Variants in ZNF407 observed in about 807,000 individuals in gnomAD.
The protein encoded by ZNF407 is zinc finger protein 407.
ZNF407 carries 17 observed loss-of-function variants against 131.2 expected under a neutral mutation model. That is an observed-to-expected ratio of 0.13 (90% CI 0.09 to 0.19). The LOEUF is 0.19. ZNF407 is among the 10% of genes least tolerant of loss of function. The probability of loss-of-function intolerance (pLI) is 1.00; values close to 1 mark genes in which losing one functional copy is unlikely to be tolerated. For missense variants in ZNF407, 2,681 were observed against 2,830.6 expected (o/e 0.95, Z 1.20); for synonymous variants, 1,156 against 1,062.0 (o/e 1.09, Z -1.72).
intron 4 of ZNF407, among the ~76,000 whole-genome samples, chr18:74,790,722 G>T (rs144171631): frequency 2.6e-5 from 4 of 152,182 alleles, no homozygotes; most frequent in Non-Finnish European, 5.9e-5. Context: ...CTTGGATACA[G>T]TTTCATTATA....
chr18:74,804,442 C>G, intron 4 of ZNF407: 1 of 992,490 alleles, frequency 1.0e-6, no homozygotes, highest in Non-Finnish European at 1.2e-6. Flanking sequence ...CACATGACTT[C>G]AGAGAAGTCT....
chr18:74,909,368 A>G (rs1971638485), intron 7 of ZNF407, among the ~76,000 whole-genome samples: 1 of 152,132 alleles, frequency 6.6e-6, no homozygotes, highest in African/African-American at 2.4e-5. Flanking sequence ...TTACCTGAAC[A>G]TACTTAATGT....
At chr18:74,785,677 AC>A (rs962305725) in intron 4 of ZNF407, among the ~76,000 whole-genome samples, 2 of 152,142 alleles carry the variant, frequency 1.3e-5, no homozygotes, top group African/African-American at 4.8e-5. Context: ...CAGGAGCGTC[AC>A]CTTTTTTTTA....
chr18:75,004,404 T>C (rs1972883061), intron 8 of ZNF407, among the ~76,000 whole-genome samples: 1 of 152,188 alleles, frequency 6.6e-6, no homozygotes, highest in Non-Finnish European at 1.5e-5. Context: ...TGATTCTCAG[T>C]GAGCAGGTGA....
intron 3 of ZNF407, among the ~76,000 whole-genome samples, chr18:74,734,207 T>C (rs565678796): frequency 2.0e-5 from 3 of 152,292 alleles, no homozygotes; most frequent in East Asian, 1.9e-4. Flanking sequence ...ACGCCACTCA[T>C]TGAGACTTGG....
Position 74,935,159 on chromosome 18 carries a change from A to C in ZNF407, c.5428+14467A>C, listed in dbSNP as rs528247491. ...TTAAAGAATCCATTAGTACAAAATGACAGACATGAAAATGCTCAGATAGTT... is the reference window on the plus strand; with the variant it reads ...TTAAAGAATCCATTAGTACAAAATGCCAGACATGAAAATGCTCAGATAGTT... On this transcript the variant is annotated intron_variant, in intron 8 of 8. Transcript: ENST00000299687. Among the ~76,000 whole-genome samples the C allele has an allele frequency of 1.9e-3, 297 of 152,372 alleles. 1 individual carries two copies. Among genetic ancestry groups the C allele is most frequent in the Non-Finnish European group, 3.4e-3 (230 of 68,036 alleles).
intron 8 of ZNF407, among the ~76,000 whole-genome samples, chr18:75,015,189 G>A (rs561306323): frequency 1.1e-3 from 173 of 152,114 alleles, no homozygotes; most frequent in African/African-American, 3.9e-3. Context: ...TTTTAAAGTA[G>A]AAATATAAGG....
At chr18:74,629,743 T>C (rs1983963433) in intron 1 of ZNF407, among the ~76,000 whole-genome samples, 1 of 152,210 alleles carries the variant, frequency 6.6e-6, no homozygotes, top group Non-Finnish European at 1.5e-5. Context: ...CTATAATACG[T>C]TGATGCCTTT....
intron 3 of ZNF407, among the ~76,000 whole-genome samples, chr18:74,704,227 C>T (rs1365291741): frequency 2.0e-5 from 3 of 152,168 alleles, no homozygotes; most frequent in South Asian, 2.1e-4. Flanking sequence ...GCCATCGCTG[C>T]GCTTCGTGGG....
At chr18:74,829,717 C>A (rs1970456110) in intron 4 of ZNF407, among the ~76,000 whole-genome samples, 2 of 151,568 alleles carry the variant, frequency 1.3e-5, no homozygotes, top group Admixed American at 1.3e-4. Flanking sequence ...TTTTTGTTTG[C>A]TTTTTTTATA....
At chr18:74,790,735 G>A (rs2145049221) in intron 4 of ZNF407, among the ~76,000 whole-genome samples, 1 of 152,234 alleles carries the variant, frequency 6.6e-6, no homozygotes, top group Non-Finnish European at 1.5e-5. Context: ...TCATTATACA[G>A]TACTGACTTT....
intron 4 of ZNF407, among the ~76,000 whole-genome samples, chr18:74,793,269 G>T (rs943328014): frequency 6.6e-6 from 1 of 152,194 alleles, no homozygotes; most frequent in Non-Finnish European, 1.5e-5. Context: ...TATAATCATT[G>T]TTAGCTAGAA....
At chr18:74,700,149 A>T (rs1000902679) in intron 3 of ZNF407, among the ~76,000 whole-genome samples, 4 of 152,322 alleles carry the variant, frequency 2.6e-5, no homozygotes, top group African/African-American at 9.6e-5. Context: ...ATTTTGTTCT[A>T]CTTTGTGAGG....
chr18:74,971,344 T>C (rs2145303613), intron 8 of ZNF407, among the ~76,000 whole-genome samples: 1 of 152,368 alleles, frequency 6.6e-6, no homozygotes, highest in East Asian at 1.9e-4. Flanking sequence ...TTCTTTTCTA[T>C]CATGTAGTCA....
chr18:74,807,562 T>A (rs1970130080), intron 4 of ZNF407, among the ~76,000 whole-genome samples: 2 of 152,206 alleles, frequency 1.3e-5, no homozygotes, highest in South Asian at 4.1e-4. Flanking sequence ...TCATCCTAAG[T>A]ACAGAAGTTG....
At chr18:74,679,471 A>G (rs1191798587) in intron 3 of ZNF407, among the ~76,000 whole-genome samples, 1 of 152,224 alleles carries the variant, frequency 6.6e-6, no homozygotes, top group African/African-American at 2.4e-5. Context: ...AGTTGCTGGC[A>G]TGTAGTGGGC....
intron 3 of ZNF407, among the ~76,000 whole-genome samples, chr18:74,736,593 G>C (rs1021963980): frequency 6.6e-6 from 1 of 151,954 alleles, no homozygotes; most frequent in Non-Finnish European, 1.5e-5. Context: ...TCTGTACTGA[G>C]ATTTTTTTAA....
At chr18:74,671,082 C>T (rs1392218773) in intron 3 of ZNF407, among the ~76,000 whole-genome samples, 5 of 152,184 alleles carry the variant, frequency 3.3e-5, no homozygotes, top group African/African-American at 7.2e-5. Context: ...ACTCTGTACC[C>T]GATAAGCCCT....
At chr18:75,058,673 C>G (rs916970703) in intron 8 of ZNF407, among the ~76,000 whole-genome samples, 2 of 152,194 alleles carry the variant, frequency 1.3e-5, no homozygotes, top group African/African-American at 4.8e-5. Context: ...TACCACGTGC[C>G]TGTTTCCCAA....
Sources: allele counts gnomAD v4.1 joint callset (sites outside exome capture counted in the v4.1 genomes callset), GRCh38; gene constraint gnomAD v4.1.1; transcripts MANE v1.5; gene names NCBI Gene and HGNC (gene_info 2026-07-23, HGNC 2026-07-21).